Variants in SEMA4B observed in about 807,000 individuals in gnomAD.
SEMA4B encodes semaphorin 4B, also known as semaphorin-4B.
A neutral mutation model predicts 88.1 loss-of-function variants in SEMA4B; 55 were observed. The ratio of observed to expected loss-of-function variants is 0.62; its 90% CI spans 0.50 to 0.78. The LOEUF is 0.78. Ranked by LOEUF, SEMA4B falls within the 30% of genes least tolerant of loss-of-function variation. SEMA4B has a pLI of 0.00. For synonymous variants in SEMA4B, 525 were observed against 473.6 expected (o/e 1.11, Z -1.41); for missense variants, 1,062 against 1,111.9 (o/e 0.96, Z 0.64).
intron 12 of SEMA4B, among the ~76,000 whole-genome samples, chr15:90,226,908 A>G (rs1053054474): frequency 1.7e-4 from 25 of 151,496 alleles, no homozygotes; most frequent in Admixed American, 1.1e-3. Context: ...TATTACACAG[A>G]TGTATGCATG....
intron 1 of SEMA4B, among the ~76,000 whole-genome samples, chr15:90,205,275 A>G (rs1960935816): frequency 6.6e-6 from 1 of 152,246 alleles, no homozygotes; most frequent in South Asian, 2.1e-4. Flanking sequence ...GCCAGGGTCA[A>G]GGCTGCCCTG....
At chr15:90,219,686 G>A in intron 3 of SEMA4B, 107 bp from the exon 4 acceptor site, 1 of 802,158 alleles carries the variant, frequency 1.2e-6, no homozygotes, top group Non-Finnish European at 2.0e-6. Flanking sequence ...CCCATCCCCA[G>A]TCCTGGGAGC....
At chr15:90,221,343 C>T (rs1567058373) in intron 5 of SEMA4B, 24 bp from the exon 6 acceptor site, 1 of 1,535,256 alleles carries the variant, frequency 6.5e-7, no homozygotes, top group Admixed American at 2.0e-5. Flanking sequence ...GGAGCCCATT[C>T]CCATGGGAAT....
upstream of SEMA4B, chr15:90,201,268 G>A (rs1362010565): frequency 3.2e-5 from 34 of 1,065,826 alleles, no homozygotes; most frequent in Non-Finnish European, 3.6e-5. Context: ...AAGGAGGAAG[G>A]GGGAAGGGGG....
chr15:90,196,723 G>A (rs1021747468), upstream of SEMA4B, among the ~76,000 whole-genome samples: 2 of 152,014 alleles, frequency 1.3e-5, no homozygotes, highest in African/African-American at 2.4e-5. Flanking sequence ...TCCTGACCTC[G>A]TGATCCGCCC....
intron 1 of SEMA4B, among the ~76,000 whole-genome samples, chr15:90,209,245 C>T (rs941531287): frequency 6.6e-6 from 1 of 152,056 alleles, no homozygotes; most frequent in Non-Finnish European, 1.5e-5. Context: ...ATGCTGTCAG[C>T]TTGGTGGAAA....
In SEMA4B at chr15:90,228,940, G is replaced by C; in HGVS notation, c.*297G>C. 1 of 501,650 alleles carries C rather than the reference G, an allele frequency of 2.0e-6. No homozygotes were observed. Among genetic ancestry groups the C allele is most frequent in the South Asian group, 2.2e-5 (1 of 45,500 alleles). The allele number at this position is 501,650 out of a possible 1,614,324, so 31.1% of individuals were successfully genotyped here. ...CTTTGTTTAAAAAACAATTCCAAAT[G>C]TGAAACTAGAATGAGAGGGAAGAGA... is the stretch of plus-strand genomic sequence containing the variant. On this transcript the variant is annotated 3_prime_UTR_variant, in exon 14 of 14. Transcript: ENST00000411539.
chr15:90,196,821 G>A (rs1340535936), upstream of SEMA4B, among the ~76,000 whole-genome samples: 1 of 152,162 alleles, frequency 6.6e-6, no homozygotes, highest in East Asian at 1.9e-4. Context: ...TTTTGGTAAA[G>A]AAAAGCTTCC....
At chr15:90,215,361 G>C (rs1206356272) in intron 1 of SEMA4B, among the ~76,000 whole-genome samples, 1 of 151,902 alleles carries the variant, frequency 6.6e-6, no homozygotes, top group Non-Finnish European at 1.5e-5. Context: ...TTAGTGTTTT[G>C]TGATACATCC....
intron 4 of SEMA4B, chr15:90,220,097 C>T (rs572967317): frequency 1.9e-6 from 1 of 532,664 alleles, no homozygotes; most frequent in Non-Finnish European, 3.3e-6. Context: ...TGCGGGGAGG[C>T]GGGGGCACAT....
intron 1 of SEMA4B, among the ~76,000 whole-genome samples, chr15:90,188,921 A>G (rs1332552744): frequency 1.3e-5 from 2 of 152,094 alleles, no homozygotes; most frequent in Non-Finnish European, 2.9e-5. Flanking sequence ...CGCCCGCCTC[A>G]GCCTCCCAAA....
At chr15:90,213,742 C>T (rs1019690441) in intron 1 of SEMA4B, among the ~76,000 whole-genome samples, 11 of 152,358 alleles carry the variant, frequency 7.2e-5, no homozygotes, top group South Asian at 2.1e-4. Context: ...TAGATAAGCA[C>T]GGGCAACCAG....
chr15:90,214,494 G>T (rs1050245579), intron 1 of SEMA4B, among the ~76,000 whole-genome samples: 1 of 151,364 alleles, frequency 6.6e-6, no homozygotes, highest in Admixed American at 6.6e-5. Context: ...TTTGCCGGGC[G>T]TGGTGACATA....
At chr15:90,214,375 C>T (rs980222689) in intron 1 of SEMA4B, among the ~76,000 whole-genome samples, 12 of 146,388 alleles carry the variant, frequency 8.2e-5, no homozygotes, top group Admixed American at 2.1e-4. Context: ...TGGTGGCTCA[C>T]GCCTGTAATC....
At position 90,229,197 on chromosome 15, in the gene SEMA4B, C is replaced by T. The variant is rs529773133; in HGVS notation, c.*554C>T. The T allele has an allele frequency of 7.1e-5, 29 of 406,892 alleles. No individual in the cohort carries two copies. Among genetic ancestry groups the T allele is most frequent in the South Asian group, 4.3e-4 (25 of 57,944 alleles). The allele number at this position is 406,892 out of a possible 1,614,324, so 25.2% of individuals were successfully genotyped here. A position where few individuals can be genotyped will look rare whatever the true frequency, so the allele number is the denominator to read the frequency against. On this transcript the variant is annotated 3_prime_UTR_variant, in exon 14 of 14. Coordinates refer to ENST00000411539, the MANE Select transcript of SEMA4B (RefSeq NM_198925.4). ...CAGCCGAGGATGTAGTTGTTGCTGCCGTCGTCCCACCACCTCAGGGACCAG... is the reference window on the plus strand; with the variant it reads ...CAGCCGAGGATGTAGTTGTTGCTGCTGTCGTCCCACCACCTCAGGGACCAG...
intron 1 of SEMA4B, among the ~76,000 whole-genome samples, chr15:90,206,144 CG>C: frequency 6.6e-6 from 1 of 152,312 alleles, no homozygotes; most frequent in East Asian, 1.9e-4. Flanking sequence ...AGGCTAGACT[CG>C]GGTCATGTCA....
chr15:90,211,721 A>T (rs1961275309), intron 1 of SEMA4B, among the ~76,000 whole-genome samples: 1 of 152,156 alleles, frequency 6.6e-6, no homozygotes, highest in South Asian at 2.1e-4. Flanking sequence ...GAAGGGCTAC[A>T]ACAGCCTTTC....
At chr15:90,220,384 T>C (rs1449501890) in intron 4 of SEMA4B, among the ~76,000 whole-genome samples, 3 of 146,050 alleles carry the variant, frequency 2.1e-5, no homozygotes, top group Non-Finnish European at 4.5e-5. Context: ...TTTTTTTTTT[T>C]TGAGATGGAG....
At chr15:90,224,748 C>T (rs1962050203) in intron 9 of SEMA4B, among the ~76,000 whole-genome samples, 1 of 152,256 alleles carries the variant, frequency 6.6e-6, no homozygotes, top group East Asian at 1.9e-4. Flanking sequence ...AGGGAGGAGG[C>T]ACAGCAAGGA....
Sources: allele counts gnomAD v4.1 joint callset (sites outside exome capture counted in the v4.1 genomes callset), GRCh38; gene constraint gnomAD v4.1.1; transcripts MANE v1.5; gene names NCBI Gene and HGNC (gene_info 2026-07-23, HGNC 2026-07-21).